Variants in GABRB1 observed in about 807,000 individuals in gnomAD.
The protein encoded by GABRB1 is gamma-aminobutyric acid receptor subunit beta-1.
GABRB1 carries 17 observed loss-of-function variants against 51.6 expected under a neutral mutation model. The ratio of observed to expected loss-of-function variants is 0.33; its 90% CI spans 0.23 to 0.49. The LOEUF (loss-of-function observed/expected upper bound fraction) is 0.49. Ranked by LOEUF, GABRB1 falls within the 20% of genes least tolerant of loss-of-function variation. The pLI is 0.99. For synonymous variants in GABRB1, 247 were observed against 218.9 expected (o/e 1.13, Z -1.14); for missense variants, 410 against 600.6 (o/e 0.68, Z 3.32).
At chr4:47,274,739 T>G (rs946544796) in intron 4 of GABRB1, among the ~76,000 whole-genome samples, 1 of 152,238 alleles carries the variant, frequency 6.6e-6, no homozygotes, top group South Asian at 2.1e-4. Flanking sequence ...CACTGGTTAC[T>G]TTTGATGGGG....
chr4:47,352,168 G>A (rs1346984182), intron 5 of GABRB1, among the ~76,000 whole-genome samples: 1 of 152,116 alleles, frequency 6.6e-6, no homozygotes, highest in Non-Finnish European at 1.5e-5. Flanking sequence ...CAGTGATGAC[G>A]AGCATTTTTT....
chr4:47,171,223 C>T (rs1718422950), intron 4 of GABRB1, among the ~76,000 whole-genome samples: 1 of 151,188 alleles, frequency 6.6e-6, no homozygotes, highest in South Asian at 2.1e-4. Flanking sequence ...CCCCAAATTC[C>T]TGACCTTGAT....
At chr4:47,220,536 C>T (rs1424110337) in intron 4 of GABRB1, among the ~76,000 whole-genome samples, 1 of 151,976 alleles carries the variant, frequency 6.6e-6, no homozygotes, top group Non-Finnish European at 1.5e-5. Flanking sequence ...ATTTCTAATG[C>T]CTATCTTTTC....
intron 4 of GABRB1, among the ~76,000 whole-genome samples, chr4:47,162,221 T>C (rs1717987708): frequency 3.3e-5 from 5 of 152,028 alleles, no homozygotes; most frequent in Admixed American, 1.3e-4. Flanking sequence ...AATCCAAGAT[T>C]GGTGGTTAAT....
At chr4:47,401,148 G>C (rs1222042595) in intron 5 of GABRB1, among the ~76,000 whole-genome samples, 1 of 152,064 alleles carries the variant, frequency 6.6e-6, no homozygotes, top group Admixed American at 6.6e-5. Context: ...ACTGTGTTGT[G>C]ATAAATGTAC....
At chr4:47,285,149 G>A (rs770372448) in intron 4 of GABRB1, among the ~76,000 whole-genome samples, 8 of 152,172 alleles carry the variant, frequency 5.3e-5, no homozygotes, top group Non-Finnish European at 1.0e-4. Context: ...ATGACGTAGA[G>A]CACAAATTGA....
At chr4:47,163,792 TC>T (rs1043569807) in intron 4 of GABRB1, among the ~76,000 whole-genome samples, 2 of 151,970 alleles carry the variant, frequency 1.3e-5, no homozygotes, top group African/African-American at 4.8e-5. Context: ...CCATTTCACC[TC>T]CCTGGGCTTC....
chr4:47,101,247 C>T (rs1350807542), intron 3 of GABRB1, among the ~76,000 whole-genome samples: 1 of 151,960 alleles, frequency 6.6e-6, no homozygotes, highest in Non-Finnish European at 1.5e-5. Context: ...TGAATAAGTA[C>T]ATGAATCATG....
chr4:47,251,722 G>A (rs1253079041), intron 4 of GABRB1, among the ~76,000 whole-genome samples: 4 of 152,278 alleles, frequency 2.6e-5, no homozygotes, highest in South Asian at 4.1e-4. Context: ...GTGTACCTAC[G>A]AGGATTATGG....
At position 47,384,137 on chromosome 4, in the gene GABRB1, A is replaced by C. The variant is rs141363463; in HGVS notation, c.545-19181A>C. ...TTTTTTAAATGATTACATATTCACC[A>C]CGTAAAATTTTTGAAAGAAAAAATC... On this transcript the variant is annotated intron_variant, in intron 5 of 8. Transcript: ENST00000295454. Among the ~76,000 whole-genome samples, 69 of 152,200 alleles carry C rather than the reference A, an allele frequency of 4.5e-4. No homozygotes were observed. The East Asian group carries it at 0.01, about 23-fold the overall frequency.
intron 4 of GABRB1, among the ~76,000 whole-genome samples, chr4:47,228,701 T>C (rs1163064287): frequency 6.6e-6 from 1 of 152,100 alleles, no homozygotes; most frequent in Non-Finnish European, 1.5e-5. Context: ...AGTTGAACTG[T>C]GAGACAGTGG....
chr4:47,171,754 A>G (rs1026632219), intron 4 of GABRB1, among the ~76,000 whole-genome samples: 19 of 152,148 alleles, frequency 1.2e-4, no homozygotes, highest in Non-Finnish European at 2.2e-4. Flanking sequence ...TCATTTATAG[A>G]ATTGAGATAA....
At chr4:47,180,338 T>A (rs1431848424) in intron 4 of GABRB1, among the ~76,000 whole-genome samples, 1 of 152,084 alleles carries the variant, frequency 6.6e-6, no homozygotes, top group Non-Finnish European at 1.5e-5. Flanking sequence ...TGAGTCATAT[T>A]AAGACAGAGG....
chr4:47,325,434 C>CAAA (rs5858063), intron 5 of GABRB1, among the ~76,000 whole-genome samples: 4 of 142,036 alleles, frequency 2.8e-5, no homozygotes, highest in Non-Finnish European at 3.1e-5. Context: ...GACTCCATCT[C>CAAA]AAAAAAAAAA....
chr4:47,418,906 G>A (rs183077687), intron 8 of GABRB1, among the ~76,000 whole-genome samples: 122 of 152,290 alleles, frequency 8.0e-4, no homozygotes, highest in Middle Eastern at 3.4e-3. Context: ...ATAAGGAAAC[G>A]TGAATTACTT....
chr4:47,346,586 C>G (rs1726102356), intron 5 of GABRB1, among the ~76,000 whole-genome samples: 1 of 152,142 alleles, frequency 6.6e-6, no homozygotes, highest in African/African-American at 2.4e-5. Flanking sequence ...AAATCTGATG[C>G]CAGAACAAGT....
intron 1 of GABRB1, among the ~76,000 whole-genome samples, chr4:46,997,111 AAC>A (rs745492303): frequency 6.6e-6 from 1 of 152,140 alleles, no homozygotes; most frequent in Non-Finnish European, 1.5e-5. Flanking sequence ...TTTGTATTAA[AAC>A]AGTGTTTCCA....
intron 3 of GABRB1, among the ~76,000 whole-genome samples, chr4:47,054,588 A>AC (rs1726506935): frequency 1.3e-5 from 2 of 149,090 alleles, no homozygotes; most frequent in African/African-American, 4.9e-5. Flanking sequence ...TATGGGCAAC[A>AC]TTTTTTTTTT....
chr4:47,348,655 G>A (rs1296289187), intron 5 of GABRB1, among the ~76,000 whole-genome samples: 1 of 152,170 alleles, frequency 6.6e-6, no homozygotes, highest in African/African-American at 2.4e-5. Context: ...GTAGAGGACT[G>A]ACCCTCCAGA....
Sources: gnomAD v4.1 joint callset for allele counts (sites outside exome capture counted in the v4.1 genomes callset) on GRCh38, gnomAD v4.1.1 for gene constraint, MANE v1.5 for transcripts, NCBI Gene and HGNC (gene_info 2026-07-23, HGNC 2026-07-21) for gene names.